TRAK1: variants seen among roughly 807,000 people sequenced by gnomAD.
TRAK1 encodes trafficking kinesin-binding protein 1.
A neutral mutation model predicts 92.1 loss-of-function variants in TRAK1; 33 were observed. The observed-to-expected ratio is 0.36, with a 90% CI of 0.27 to 0.48. The LOEUF is 0.48. TRAK1 is among the 20% of genes least tolerant of loss of function. The pLI, the probability that TRAK1 is intolerant of heterozygous loss-of-function variation, is 0.99. For missense variants in TRAK1, 1,123 were observed against 1,257.9 expected (o/e 0.89, Z 1.62); for synonymous variants, 521 against 517.3 (o/e 1.01, Z -0.10).
chr3:42,084,737 AGTGAGGCAGCT>A (rs1378532049), upstream of TRAK1, among the ~76,000 whole-genome samples: 1 of 151,034 alleles, frequency 6.6e-6, no homozygotes, highest in African/African-American at 2.4e-5. Context: ...AGGCTTTTCT[AGTGAGGCAGCT>A]TATCCATTCA....
Position 42,223,744 on chromosome 3 carries a change from GA to G in TRAK1, c.*8del, listed in dbSNP as rs1710582903. ...ACAAACTAGCTTACGGTGAGGACTG[GA>G]GGGGGGCCGGTTGCCCTAGAGGAGA... On this transcript the variant is annotated 3_prime_UTR_variant, in exon 16 of 16. Transcript: ENST00000327628. The surrounding 1 kb of genome is among the most constrained non-coding windows in gnomAD (Gnocchi z 6.1). 2 of 1,594,622 alleles carry G rather than the reference GA, an allele frequency of 1.3e-6. No homozygotes were observed. The highest frequency in any genetic ancestry group is 1.3e-5 in the African/African-American group (1 of 74,656).
chr3:42,207,228 T>C (rs1708436633), intron 13 of TRAK1, among the ~76,000 whole-genome samples: 1 of 152,190 alleles, frequency 6.6e-6, no homozygotes, highest in Admixed American at 6.5e-5. Context: ...CGTGGTGCTA[T>C]TTTGTTATCA....
intron 13 of TRAK1, among the ~76,000 whole-genome samples, chr3:42,205,456 A>G (rs77190659): frequency 0.022 from 3,313 of 152,334 alleles, 59 homozygotes; most frequent in Non-Finnish European, 0.033. Context: ...GTGAAAGCCA[A>G]AAAGCTAAGT....
intron 1 of TRAK1, among the ~76,000 whole-genome samples, chr3:42,063,389 C>A (rs1217037080): frequency 6.6e-6 from 1 of 152,194 alleles, no homozygotes; most frequent in East Asian, 1.9e-4. Context: ...AGTTCTTGCT[C>A]TTTTGTAAAG....
intron 2 of TRAK1, among the ~76,000 whole-genome samples, chr3:42,129,177 C>T (rs1417167113): frequency 6.6e-6 from 1 of 152,080 alleles, no homozygotes; most frequent in Non-Finnish European, 1.5e-5. Context: ...TTTTGGGTTT[C>T]GTGTGTTTGT....
chr3:42,116,055 G>A (rs1257262823), intron 1 of TRAK1, among the ~76,000 whole-genome samples: 2 of 152,214 alleles, frequency 1.3e-5, no homozygotes, highest in South Asian at 2.1e-4. Flanking sequence ...AGTGCTTTGC[G>A]TTGTTCAGCA....
chr3:42,172,769 G>C (rs761304918), intron 2 of TRAK1, among the ~76,000 whole-genome samples: 1 of 152,170 alleles, frequency 6.6e-6, no homozygotes, highest in East Asian at 1.9e-4. Context: ...GAGGTGAGGC[G>C]TGTGTATTTT....
chr3:42,045,827 G>A (rs1159726302), intron 1 of TRAK1, among the ~76,000 whole-genome samples: 1 of 152,200 alleles, frequency 6.6e-6, no homozygotes, highest in African/African-American at 2.4e-5. Flanking sequence ...CCTTAGCCAA[G>A]ACTCTTTTAC....
chr3:42,125,029 A>G (rs1375154711), intron 1 of TRAK1, among the ~76,000 whole-genome samples: 1 of 152,246 alleles, frequency 6.6e-6, no homozygotes, highest in African/African-American at 2.4e-5. Context: ...CTTCAATGGT[A>G]AAAGAGTGGC....
chr3:42,218,638 C>T, intron 14 of TRAK1: 1 of 985,298 alleles, frequency 1.0e-6, no homozygotes, highest in African/African-American at 1.7e-5. Flanking sequence ...ATGCATGGTC[C>T]TAACACTTCC....
At chr3:42,200,175 G>A (rs3774382) in intron 11 of TRAK1, among the ~76,000 whole-genome samples, 42,099 of 152,094 alleles carry the variant, frequency 0.28, 6,005 homozygotes, top group East Asian at 0.44. Context: ...AGTGAGGTTT[G>A]GTATATGTGT....
chr3:42,194,551 A>G (rs1405791799), intron 9 of TRAK1, among the ~76,000 whole-genome samples: 1 of 152,060 alleles, frequency 6.6e-6, no homozygotes, highest in Non-Finnish European at 1.5e-5. Context: ...TTTCTTTTGC[A>G]TGAAGTTGGT....
In TRAK1 at chr3:42,223,281, G is replaced by A. The variant is rs777965593; in HGVS notation, c.2406G>A (p.Thr802=). Reference sequence around the variant, plus strand: ...CACCCTCCTTTGAGTTCAAGTGCACGAGCCCTCCCTACGACAATTTCCTGG... The same window carrying A: ...CACCCTCCTTTGAGTTCAAGTGCACAAGCCCTCCCTACGACAATTTCCTGG... ...SSPPSFEFKC[T]SPPYDNFLAS... The change falls in exon 16 of 16, where the codon ACG becomes ACA. Residue 802 remains threonine, a synonymous_variant. Transcript: ENST00000327628. The surrounding 1 kb of genome is among the most constrained non-coding windows in gnomAD (Gnocchi z 6.1). 3 of 1,614,156 alleles carry A rather than the reference G, an allele frequency of 1.9e-6. No individual in the cohort carries two copies. Among genetic ancestry groups the A allele is most frequent in the Non-Finnish European group, 2.5e-6 (3 of 1,180,034 alleles).
intron 2 of TRAK1, among the ~76,000 whole-genome samples, chr3:42,165,872 TCTC>T (rs1294125181): frequency 6.6e-6 from 1 of 151,934 alleles, no homozygotes; most frequent in Non-Finnish European, 1.5e-5. Context: ...TCTGGGTGGT[TCTC>T]CTAATAGTGG....
rs1710111599 is a variant in TRAK1, at chr3:42,219,611, C to T, written c.2066+15C>T. The T allele has an allele frequency of 6.3e-6, 4 of 635,664 alleles. No individual in the cohort carries two copies. Among genetic ancestry groups the T allele is most frequent in the African/African-American group, 1.9e-5 (1 of 52,642 alleles). 39.4% of individuals were successfully genotyped at this position (635,664 alleles called of 1,614,324 possible). A position where few individuals can be genotyped will look rare whatever the true frequency, so the allele number is the denominator to read the frequency against. On this transcript the variant is annotated intron_variant, in intron 15 of 15. Transcript: ENST00000327628. ...GTCACACCAAGGTAAGGGACCCTGG[C>T]TTTGGGGTGGGCAGGGGTGGGGTGA...
At chr3:42,197,453 T>C (rs190115573) in intron 10 of TRAK1, among the ~76,000 whole-genome samples, 13 of 152,334 alleles carry the variant, frequency 8.5e-5, no homozygotes, top group African/African-American at 2.6e-4. Flanking sequence ...TTTTGTTTTT[T>C]TTCCCCCCAA....
At chr3:42,094,992 C>T (rs573005957) in intron 1 of TRAK1, among the ~76,000 whole-genome samples, 1 of 152,204 alleles carries the variant, frequency 6.6e-6, no homozygotes, top group Admixed American at 6.5e-5. Context: ...AGGTCCACTT[C>T]ACTCACAGTA....
upstream of TRAK1, among the ~76,000 whole-genome samples, chr3:42,086,067 A>T (rs912660863): frequency 6.6e-6 from 1 of 152,156 alleles, no homozygotes; most frequent in Non-Finnish European, 1.5e-5. Flanking sequence ...TTTTTCATTA[A>T]GCTCCTGTTT....
chr3:42,089,983 G>C, upstream of TRAK1, among the ~76,000 whole-genome samples: 1 of 152,172 alleles, frequency 6.6e-6, no homozygotes. Flanking sequence ...ATCTCGAAAG[G>C]TTCAGCACCT....
Sources: allele counts gnomAD v4.1 joint callset (sites outside exome capture counted in the v4.1 genomes callset), GRCh38; gene constraint gnomAD v4.1.1; non-coding constraint Gnocchi (gnomAD v3.1); transcripts MANE v1.5; gene names NCBI Gene and HGNC (gene_info 2026-07-23, HGNC 2026-07-21).